The following NHSL1 variants were observed in gnomAD, a reference collection of about 807,000 sequenced individuals.
NHSL1 encodes the protein NHS-like protein 1.
NHSL1 carries 48 observed loss-of-function variants against 95.0 expected under a neutral mutation model. That is an observed-to-expected ratio of 0.51 (90% confidence interval 0.40 to 0.64). NHSL1 has a LOEUF of 0.64. Ranked by LOEUF, NHSL1 falls within the 30% of genes least tolerant of loss-of-function variation. NHSL1 has a pLI of 0.00. For missense variants in NHSL1, 1,971 were observed against 2,077.7 expected (o/e 0.95, Z 1.00); for synonymous variants, 783 against 833.9 (o/e 0.94, Z 1.05).
chr6:138,646,028 A>G (rs1216339575), intron 1 of NHSL1, among the ~76,000 whole-genome samples: 1 of 152,234 alleles, frequency 6.6e-6, no homozygotes, highest in Admixed American at 6.5e-5. Flanking sequence ...AGAAAAACTT[A>G]AATACAAGCA....
intron 2 of NHSL1, among the ~76,000 whole-genome samples, chr6:138,476,957 T>TAAAAAAAAA (rs58311101): frequency 9.9e-6 from 1 of 100,514 alleles, no homozygotes; most frequent in African/African-American, 3.8e-5. Context: ...TCCCTGAATC[T>TAAAAAAAAA]AAAAAAAAAA....
intron 1 of NHSL1, among the ~76,000 whole-genome samples, chr6:138,659,573 G>A (rs535511039): frequency 1.3e-5 from 2 of 152,268 alleles, no homozygotes. Context: ...ACTCTTTGGG[G>A]ATGGAAGAGC....
chr6:138,564,067 A>ATT (rs149735280), intron 1 of NHSL1, among the ~76,000 whole-genome samples: 1 of 150,716 alleles, frequency 6.6e-6, no homozygotes, highest in African/African-American at 2.4e-5. Flanking sequence ...CCCTGATCAA[A>ATT]TTTTTTTTTT....
intron 1 of NHSL1, among the ~76,000 whole-genome samples, chr6:138,567,045 T>A (rs1047670027): frequency 3.9e-5 from 6 of 152,188 alleles, no homozygotes; most frequent in Non-Finnish European, 7.3e-5. Context: ...ACAATATTTG[T>A]CAATATTTCT....
chr6:138,544,983 C>CTT (rs35979187), intron 1 of NHSL1, among the ~76,000 whole-genome samples: 2,058 of 83,430 alleles, frequency 0.025, 72 homozygotes, highest in Middle Eastern at 0.056. Flanking sequence ...TCTTTCTTTT[C>CTT]TTTTTTTTTT....
intron 1 of NHSL1, among the ~76,000 whole-genome samples, chr6:138,580,804 G>T (rs535619609): frequency 1.4e-4 from 22 of 152,328 alleles, no homozygotes; most frequent in Admixed American, 7.2e-4. Flanking sequence ...CCTGACATGG[G>T]AAAAAGATAC....
At chr6:138,606,879 A>G (rs1784441707) in intron 1 of NHSL1, among the ~76,000 whole-genome samples, 1 of 151,186 alleles carries the variant, frequency 6.6e-6, no homozygotes, top group African/African-American at 2.4e-5. Flanking sequence ...ATTTTTTTGT[A>G]TTTTTAGTAG....
intron 1 of NHSL1, among the ~76,000 whole-genome samples, chr6:138,620,646 C>A (rs1345927371): frequency 6.6e-6 from 1 of 151,998 alleles, no homozygotes; most frequent in East Asian, 1.9e-4. Context: ...ATATAACAAT[C>A]CAAAAGCATG....
chr6:138,595,186 AAAT>A lies in NHSL1; in HGVS notation c.96+97287_96+97289del, dbSNP rs371444793. Among the ~76,000 whole-genome samples the A allele has an allele frequency of 3.0e-4, 46 of 152,340 alleles. No homozygotes were observed. The South Asian group carries it at 3.5e-3, about 12-fold the overall frequency. On this transcript the variant is annotated intron_variant, in intron 1 of 3. Transcript: ENST00000491526. ...ATTTTTTGAAAACCATTTTCTTTCT[AAAT>A]AATATTTACTTAAGCTATTTTATGC...
intron 1 of NHSL1, among the ~76,000 whole-genome samples, chr6:138,560,703 C>CA (rs1471648414): frequency 6.6e-6 from 1 of 152,182 alleles, no homozygotes; most frequent in African/African-American, 2.4e-5. Context: ...GGTAAATTCA[C>CA]AAATTGCCTT....
intron 1 of NHSL1, among the ~76,000 whole-genome samples, chr6:138,513,086 T>G (rs1337814652): frequency 2.6e-5 from 4 of 152,206 alleles, no homozygotes; most frequent in Non-Finnish European, 5.9e-5. Flanking sequence ...TTCTGGAAGC[T>G]CCTGGAGGGC....
At chr6:138,521,309 TA>T (rs1005428138) in intron 1 of NHSL1, among the ~76,000 whole-genome samples, 1 of 151,796 alleles carries the variant, frequency 6.6e-6, no homozygotes, top group Admixed American at 6.6e-5. Context: ...AAAATAAAAA[TA>T]AAAAAATTCA....
chr6:138,574,591 C>G (rs933288343), upstream of NHSL1, among the ~76,000 whole-genome samples: 2 of 151,216 alleles, frequency 1.3e-5, no homozygotes, highest in Non-Finnish European at 2.9e-5. Flanking sequence ...CTTTGGGAGG[C>G]CAAGGTAGAT....
At chr6:138,550,613 C>T (rs1373588521), upstream of NHSL1, among the ~76,000 whole-genome samples, 1 of 152,224 alleles carries the variant, frequency 6.6e-6, no homozygotes, top group African/African-American at 2.4e-5. Flanking sequence ...GGTATCCACA[C>T]ATGCAGCCAA....
At chr6:138,429,444 C>T (rs1474965614) in intron 7 of NHSL1, among the ~76,000 whole-genome samples, 2 of 152,202 alleles carry the variant, frequency 1.3e-5, no homozygotes, top group Non-Finnish European at 2.9e-5. Context: ...CCACACTGCG[C>T]TCCTTGCCAG....
At chr6:138,673,047 A>G (rs1233445440) in intron 1 of NHSL1, among the ~76,000 whole-genome samples, 1 of 144,798 alleles carries the variant, frequency 6.9e-6, no homozygotes, top group African/African-American at 2.9e-5. Flanking sequence ...AGATAGATAG[A>G]TAGATAGATA....
At chr6:138,481,264 C>T (rs13212206) in intron 2 of NHSL1, among the ~76,000 whole-genome samples, 8,360 of 152,106 alleles carry the variant, frequency 0.055, 640 homozygotes, top group East Asian at 0.29. Context: ...TAATGAAAAA[C>T]CAAACCAAAG....
chr6:138,582,020 C>A (rs919288013), intron 1 of NHSL1, among the ~76,000 whole-genome samples: 8 of 151,794 alleles, frequency 5.3e-5, no homozygotes, highest in Non-Finnish European at 1.2e-4. Context: ...CCTCCACCTC[C>A]CAAGTAGTTG....
intron 4 of NHSL1, among the ~76,000 whole-genome samples, chr6:138,444,765 C>T (rs978449683): frequency 6.6e-6 from 1 of 151,936 alleles, no homozygotes; most frequent in African/African-American, 2.4e-5. Flanking sequence ...GTCAATTCAA[C>T]CACTAAAAGT....
Sources: gnomAD v4.1 joint callset for allele counts (sites outside exome capture counted in the v4.1 genomes callset) on GRCh38, gnomAD v4.1.1 for gene constraint, MANE v1.5 for transcripts, NCBI Gene and HGNC (gene_info 2026-07-23, HGNC 2026-07-21) for gene names.